PRMT3: variants seen among roughly 807,000 people sequenced by gnomAD.
PRMT3 encodes protein arginine methyltransferase 3.
In PRMT3, 62 loss-of-function variants were observed where a neutral mutation model predicts 71.9. That is an observed-to-expected ratio of 0.86 (90% CI 0.70 to 1.07). The LOEUF (loss-of-function observed/expected upper bound fraction) is 1.07, where lower values mean the gene tolerates loss of function less well. Among genes scored for constraint, PRMT3 ranks in the 50% least tolerant of loss-of-function variants. The pLI is 0.00. For missense variants in PRMT3, 663 were observed against 643.0 expected (o/e 1.03, Z -0.34); for synonymous variants, 213 against 220.4 (o/e 0.97, Z 0.30).
intron 10 of PRMT3, among the ~76,000 whole-genome samples, chr11:20,445,024 T>A (rs1332809602): frequency 2.6e-5 from 4 of 152,010 alleles, no homozygotes; most frequent in Admixed American, 1.3e-4. Context: ...TGTAATTTTC[T>A]TATGGTTAAT....
intron 11 of PRMT3, among the ~76,000 whole-genome samples, chr11:20,458,971 C>A (rs1850325359): frequency 6.6e-6 from 1 of 150,542 alleles, no homozygotes; most frequent in Non-Finnish European, 1.5e-5. Flanking sequence ...TAATATAGAG[C>A]CAGAGATAAG....
intron 12 of PRMT3, among the ~76,000 whole-genome samples, chr11:20,463,565 G>A (rs1850436119): frequency 1.9e-5 from 2 of 105,602 alleles, no homozygotes; most frequent in African/African-American, 3.7e-5. Flanking sequence ...GTTAAAAAGT[G>A]TATGTACTCT....
intron 15 of PRMT3, among the ~76,000 whole-genome samples, chr11:20,507,640 A>T (rs1450926294): frequency 6.6e-6 from 1 of 151,922 alleles, no homozygotes; most frequent in Non-Finnish European, 1.5e-5. Context: ...TTAGCAGGTC[A>T]TGGTGGCGCA....
intron 13 of PRMT3, among the ~76,000 whole-genome samples, chr11:20,479,322 A>G (rs1850872202): frequency 6.6e-6 from 1 of 152,198 alleles, no homozygotes; most frequent in South Asian, 2.1e-4. Context: ...GGTATTGGGA[A>G]TGTAGTAACA....
chr11:20,504,665 G>A (rs1470624685), intron 15 of PRMT3, among the ~76,000 whole-genome samples: 1 of 147,204 alleles, frequency 6.8e-6, no homozygotes, highest in East Asian at 2.0e-4. Flanking sequence ...GACATATATT[G>A]TTACATTTAT....
rs1851656837 is a variant in PRMT3, at chr11:20,508,651, T to G, written c.*238T>G. The G allele has an allele frequency of 1.8e-5, 11 of 623,422 alleles. No individual in the cohort carries two copies. The highest frequency in any genetic ancestry group is 1.7e-4 in the South Asian group (11 of 65,260). The allele number at this position is 623,422 out of a possible 1,614,324, so 38.6% of individuals were successfully genotyped here. On this transcript the variant is annotated 3_prime_UTR_variant, in exon 16 of 16. Transcript: ENST00000331079. ...TTTCTTAGACGTTTGCTCCACCAGA[T>G]TTAACCAAATGTAACTCCCACATTG...
intron 10 of PRMT3, among the ~76,000 whole-genome samples, chr11:20,448,256 A>C (rs907064739): frequency 5.3e-4 from 81 of 152,248 alleles, no homozygotes; most frequent in African/African-American, 1.5e-3. Context: ...ATATATCCTC[A>C]AAGAATGCTG....
At chr11:20,433,510 GC>G (rs1849698496) in intron 10 of PRMT3, among the ~76,000 whole-genome samples, 1 of 152,106 alleles carries the variant, frequency 6.6e-6, no homozygotes, top group Admixed American at 6.6e-5. Flanking sequence ...TGTGAATAAT[GC>G]TGCAATGAAC....
intron 10 of PRMT3, among the ~76,000 whole-genome samples, chr11:20,440,891 A>G (rs952089445): frequency 3.0e-4 from 45 of 152,182 alleles, no homozygotes; most frequent in African/African-American, 1.1e-3. Context: ...TCTTTCATAG[A>G]GCAAAAGTTT....
At chr11:20,396,627 G>A (rs1348433358) in intron 6 of PRMT3, among the ~76,000 whole-genome samples, 1 of 151,840 alleles carries the variant, frequency 6.6e-6, no homozygotes, top group African/African-American at 2.4e-5. Context: ...AACAGAGCAA[G>A]ACTTTGTCGG....
intron 10 of PRMT3, among the ~76,000 whole-genome samples, chr11:20,444,738 G>A (rs1849985690): frequency 6.6e-6 from 1 of 152,036 alleles, no homozygotes; most frequent in South Asian, 2.1e-4. Context: ...TTGTTGGAGT[G>A]TTACGTAATT....
chr11:20,411,601 G>T (rs1332308672), intron 9 of PRMT3, among the ~76,000 whole-genome samples: 2 of 152,012 alleles, frequency 1.3e-5, no homozygotes, highest in African/African-American at 4.8e-5. Flanking sequence ...TTATTTTCTT[G>T]CTGTAATGTT....
At chr11:20,413,935 G>A (rs1273013500) in intron 9 of PRMT3, among the ~76,000 whole-genome samples, 3 of 152,012 alleles carry the variant, frequency 2.0e-5, no homozygotes, top group African/African-American at 7.2e-5. Context: ...TCTATATACA[G>A]CAGAATGTCT....
At chr11:20,401,761 C>CT (rs1848953909) in intron 7 of PRMT3, among the ~76,000 whole-genome samples, 1 of 152,134 alleles carries the variant, frequency 6.6e-6, no homozygotes, top group African/African-American at 2.4e-5. Flanking sequence ...GTGTTTCAAC[C>CT]TAGGGAATCA....
chr11:20,485,092 C>G (rs1213887721), intron 13 of PRMT3, among the ~76,000 whole-genome samples: 1 of 151,882 alleles, frequency 6.6e-6, no homozygotes, highest in African/African-American at 2.4e-5. Context: ...AAGACTGTGC[C>G]CAAGAATAAG....
intron 7 of PRMT3, among the ~76,000 whole-genome samples, chr11:20,399,045 T>C (rs1046231522): frequency 1.3e-5 from 2 of 152,242 alleles, no homozygotes; most frequent in Non-Finnish European, 2.9e-5. Flanking sequence ...ATGTAATTTT[T>C]AGTTCAGTGA....
chr11:20,508,728 T>C lies in PRMT3; in HGVS notation c.*315T>C. The C allele has an allele frequency of 2.8e-6, 1 of 361,732 alleles. No individual in the cohort carries two copies. The highest frequency in any genetic ancestry group is 5.4e-6 in the Non-Finnish European group (1 of 186,870). The allele number at this position is 361,732 out of a possible 1,614,324, so 22.4% of individuals were successfully genotyped here. A position where few individuals can be genotyped will look rare whatever the true frequency, so the allele number is the denominator to read the frequency against. On this transcript the variant is annotated 3_prime_UTR_variant, in exon 16 of 16. Transcript: ENST00000331079. ...CATTGGCCTATATTTGGAAGAGAGA[T>C]AGTCTTTTGTTTTTAATAAGTTTCT...
intron 15 of PRMT3, among the ~76,000 whole-genome samples, chr11:20,502,513 T>C (rs561243857): frequency 6.6e-5 from 10 of 152,376 alleles, no homozygotes; most frequent in Admixed American, 3.9e-4. Context: ...AGCTGCTATA[T>C]TGATGCTTAG....
At chr11:20,422,256 G>A (rs1462271306) in intron 9 of PRMT3, among the ~76,000 whole-genome samples, 3 of 152,018 alleles carry the variant, frequency 2.0e-5, no homozygotes, top group Non-Finnish European at 4.4e-5. Context: ...TGAATCACCA[G>A]GCTTTTTTGG....
Sources: allele counts gnomAD v4.1 joint callset (sites outside exome capture counted in the v4.1 genomes callset), GRCh38; gene constraint gnomAD v4.1.1; transcripts MANE v1.5; gene names NCBI Gene and HGNC (gene_info 2026-07-23, HGNC 2026-07-21).